Variants in GTF3C1 observed in about 807,000 individuals in gnomAD.
GTF3C1 encodes the protein general transcription factor 3C polypeptide 1.
GTF3C1 carries 57 observed loss-of-function variants against 226.7 expected under a neutral mutation model. That is an observed-to-expected ratio of 0.25 (90% CI 0.20 to 0.31). GTF3C1 has a LOEUF of 0.31. Ranked by LOEUF, GTF3C1 falls within the 10% of genes least tolerant of loss-of-function variation. The probability of loss-of-function intolerance (pLI) is 1.00; values close to 1 mark genes in which losing one functional copy is unlikely to be tolerated. For missense variants in GTF3C1, 2,217 were observed against 2,776.1 expected, an observed-to-expected ratio of 0.80 and a Z score of 4.53; for synonymous variants, 1,090 against 1,084.8, an observed-to-expected ratio of 1.00 and a Z score of -0.09.
chr16:27,528,099 C>T (rs747899157), intron 6 of GTF3C1, among the ~76,000 whole-genome samples: 2 of 152,030 alleles, frequency 1.3e-5, no homozygotes, highest in South Asian at 2.1e-4. Flanking sequence ...CATGGCGAAA[C>T]GCTGTCTCTA....
intron 32 of GTF3C1, among the ~76,000 whole-genome samples, chr16:27,467,524 T>C (rs776875370): frequency 6.6e-6 from 1 of 152,374 alleles, no homozygotes; most frequent in Non-Finnish European, 1.5e-5. Context: ...ACATCCATTC[T>C]GTACCCCATG....
intron 16 of GTF3C1, among the ~76,000 whole-genome samples, chr16:27,493,664 C>T (rs192390572): frequency 1.3e-5 from 2 of 152,176 alleles, no homozygotes; most frequent in African/African-American, 4.8e-5. Context: ...CTATCCTTAC[C>T]CAAAGGAAAA....
chr16:27,484,289 G>C lies in GTF3C1; in HGVS notation c.3923C>G (p.Ser1308Cys), dbSNP rs1468004237. 6.2e-7 allele frequency: 1 copy of C among 1,607,194 alleles called. No homozygotes were observed. The highest frequency in any genetic ancestry group is 8.5e-7 in the Non-Finnish European group (1 of 1,173,704). The change falls in exon 25 of 37, where the codon TCT becomes TGT. Residue 1308 changes from serine (S) to cysteine (C), a missense_variant. By Grantham distance (112) the Ser-to-Cys change is moderately radical. Around this residue, in one of 12 missense-constraint regions of GTF3C1, gnomAD observed 546 missense variants for 663.0 expected, o/e 0.82. Transcript: ENST00000356183. Reference sequence around the variant, plus strand: ...AACGGAATGAGATGTTTTATCCAAAGACTCTTCAAACGTGGCATGCAAAAT... The same window carrying C: ...AACGGAATGAGATGTTTTATCCAAACACTCTTCAAACGTGGCATGCAAAAT... The part of the protein sequence containing the change: ...RDILHATFEE[S>C]LDKTSHSVGR...
chr16:27,544,109 CA>C (rs1274567527), intron 2 of GTF3C1, among the ~76,000 whole-genome samples: 3 of 152,144 alleles, frequency 2.0e-5, no homozygotes, highest in Non-Finnish European at 4.4e-5. Context: ...CAAGGACAGA[CA>C]GGGGGCCGTT....
At chr16:27,502,676 T>A (rs2088424067) in intron 11 of GTF3C1, among the ~76,000 whole-genome samples, 183 bp downstream of exon 11, 1 of 151,924 alleles carries the variant, frequency 6.6e-6, no homozygotes, top group South Asian at 2.1e-4. Context: ...TACTCCTCCA[T>A]CCCTTTAGAT....
Position 27,549,902 on chromosome 16 carries a change from T to A in GTF3C1, c.-12A>T, listed in dbSNP as rs181685777. On this transcript the variant is annotated 5_prime_UTR_variant, in exon 1 of 37. Coordinates refer to ENST00000356183, the MANE Select transcript of GTF3C1 (RefSeq NM_001520.4). ...TCCAGCGCGTCCATTGCTACTTCAGTCGGCGGCGCCCGGGGCGCATGCGCA... is the reference window on the plus strand; with the variant it reads ...TCCAGCGCGTCCATTGCTACTTCAGACGGCGGCGCCCGGGGCGCATGCGCA... 3.3e-4 allele frequency: 537 copies of A among 1,604,692 alleles called. 4 individuals are homozygous for A. In the Middle Eastern group the frequency reaches 3.5e-3, roughly 10 times the overall value.
chr16:27,497,788 C>T lies in GTF3C1; in HGVS notation c.2199G>A (p.Gly733=). 1 of 1,613,804 alleles carries T rather than the reference C, an allele frequency of 6.2e-7. No homozygotes were observed. The highest frequency in any genetic ancestry group is 2.2e-5 in the East Asian group (1 of 44,882). ...VKTSQPPVPQ[G]EAEEDSQGKE... ...TTCCTTGACTGTCTTCTTCTGCCTCCCCTTGGGGCACTGGAGGCTGGGAAG... is the reference window on the plus strand; with the variant it reads ...TTCCTTGACTGTCTTCTTCTGCCTCTCCTTGGGGCACTGGAGGCTGGGAAG... The change falls in exon 14 of 37, where the codon GGG becomes GGA. Residue 733 remains glycine, a synonymous_variant. Transcript: ENST00000356183.
At position 27,481,012 on chromosome 16, in the gene GTF3C1, G is replaced by GAGAC. The variant is rs1471858304; in HGVS notation, c.4196+63_4196+66dup. 2.3e-6 allele frequency: 3 copies of GAGAC among 1,315,564 alleles called. No individual in the cohort carries two copies. In the African/African-American group the frequency reaches 4.4e-5, roughly 19 times the overall value. The allele number at this position is 1,315,564 out of a possible 1,614,324, so 81.5% of individuals were successfully genotyped here. A position where few individuals can be genotyped will look rare whatever the true frequency, so the allele number is the denominator to read the frequency against. On this transcript the variant is annotated intron_variant, in intron 27 of 36. Transcript: ENST00000356183. ...GCGCTTCCCGGACCTGCTGATAAGGGAGACAGGGCTGGCCTTTTCTTCTTG... is the reference window on the plus strand; with the variant it reads ...GCGCTTCCCGGACCTGCTGATAAGGGAGACAGACAGGGCTGGCCTTTTCTTCTTG...
rs998130047 is a variant in GTF3C1, at chr16:27,497,874, G to C, written c.2166-53C>G. 6 of 1,436,814 alleles carry C rather than the reference G, an allele frequency of 4.2e-6. No homozygotes were observed. The Admixed American group carries it at 1.1e-4, about 27-fold the overall frequency. 89.0% of individuals were successfully genotyped at this position (1,436,814 alleles called of 1,614,324 possible). On this transcript the variant is annotated intron_variant, in intron 13 of 36. Transcript: ENST00000356183. ...GTACTGAGAAAATCAAGGGCTAAGA[G>C]AAAGGACAGAGTCTGTCTGCATGAA... is the stretch of plus-strand genomic sequence containing the variant.
rs778961579 is a variant in GTF3C1 at position 27,511,894 on chromosome 16, G to A, written c.981C>T (p.Asp327=). 16 of 1,613,848 alleles carry A rather than the reference G, an allele frequency of 9.9e-6. No individual in the cohort carries two copies. The highest frequency in any genetic ancestry group is 2.2e-5 in the East Asian group (1 of 44,892). Residue 327 remains aspartate, a synonymous_variant, in exon 7 of 37, where the codon GAC becomes GAT. Coordinates refer to ENST00000356183, the MANE Select transcript of GTF3C1 (RefSeq NM_001520.4). ...GCAGCTTGAGGCACCGAACCATGAC[G>A]TCGGTCCCTGGCAACACAAGCACGG... ...CGPCKTKKGT[D]VMVRCLKLLK... is the part of the protein sequence containing the mutation.
At chr16:27,528,471 G>T in intron 6 of GTF3C1, 127 bp downstream of exon 6, 1 of 773,916 alleles carries the variant, frequency 1.3e-6, no homozygotes, top group Non-Finnish European at 2.2e-6. Flanking sequence ...GAGGCGCAGA[G>T]TTAAATAAAT....
At chr16:27,499,261 G>A (rs773808662) in intron 12 of GTF3C1, among the ~76,000 whole-genome samples, 2 of 152,224 alleles carry the variant, frequency 1.3e-5, no homozygotes, top group African/African-American at 2.4e-5. Context: ...TACCTTTTCC[G>A]AGCTACTGAA....
At position 27,463,544 on chromosome 16, in the gene GTF3C1, TC is replaced by T; in HGVS notation, c.5920del (p.Glu1974LysfsTer21). 6.3e-7 allele frequency: 1 copy of T among 1,588,628 alleles called. No homozygotes were observed. Among genetic ancestry groups the T allele is most frequent in the Non-Finnish European group, 8.6e-7 (1 of 1,156,818 alleles). On this transcript the variant is annotated frameshift_variant, in exon 35 of 37. Coordinates refer to ENST00000356183, the MANE Select transcript of GTF3C1 (RefSeq NM_001520.4). LOFTEE classifies it high-confidence loss of function. This position sits in a 1 kb window ranked among gnomAD's most constrained non-coding sequence, Gnocchi z 4.9. ...GAANISQAAR[E>X]RDCESVCFIG... ...GGAGCCAGAACCCCACACCCACCTT[TC>T]CCGTGCTGCCTGGGAGATGTTGGCA...
chr16:27,485,465 C>T (rs1184139760), intron 24 of GTF3C1, among the ~76,000 whole-genome samples: 15 of 152,186 alleles, frequency 9.9e-5, no homozygotes, highest in East Asian at 1.9e-4. Flanking sequence ...GGTAATTACG[C>T]CCAATTGGCA....
intron 20 of GTF3C1, among the ~76,000 whole-genome samples, 157 bp from the exon 21 acceptor site, chr16:27,489,335 G>A (rs1273021167): frequency 1.3e-5 from 2 of 152,226 alleles, no homozygotes; most frequent in Non-Finnish European, 1.5e-5. Flanking sequence ...GGCCCTAAGT[G>A]TTGACTGGTT....
In GTF3C1 at chr16:27,549,716, A is replaced by T. The variant is rs2228249; in HGVS notation, c.175T>A (p.Phe59Ile). The T allele has an allele frequency of 3.3e-4, 536 of 1,609,628 alleles. 2 individuals are homozygous for T. In the African/African-American group the frequency reaches 6.5e-3, roughly 20 times the overall value. Residue 59 changes from phenylalanine to isoleucine, a missense_variant, in exon 1 of 37, where the codon TTC (phenylalanine) becomes ATC (isoleucine). Physicochemically the swap from Phe to Ile is conservative, Grantham distance 21 (BLOSUM62 0). This residue lies in a region of GTF3C1 where 192 missense variants were observed against 251.8 expected (regional missense o/e 0.76). Transcript: ENST00000356183. The stretch of plus-strand genomic sequence containing the variant: ...GGTCGCTCCCGAGGCTCCTCATAGA[A>T]GCTGATGCCCGGGTGCGTGGCGAGG... ...RALATHPGIS[F>I]YEEPRERPDL... is the part of the protein sequence containing the mutation.
Position 27,488,864 on chromosome 16 carries a change from C to T in GTF3C1, c.3429+179G>A, listed in dbSNP as rs776862038. ...TTCTTTAAAAAGGAATACCTGTCCA[C>T]GTCACAGCGTAAGTTAGCATCCACT... On this transcript the variant is annotated intron_variant, in intron 21 of 36. Transcript: ENST00000356183. Among the ~76,000 whole-genome samples, 4 of 152,200 alleles carry T rather than the reference C, an allele frequency of 2.6e-5. No homozygotes were observed. In the South Asian group the frequency reaches 6.2e-4, roughly 24 times the overall value.
At chr16:27,538,064 C>T (rs1309336405) in intron 3 of GTF3C1, 116 bp downstream of exon 3, 18 of 1,270,636 alleles carry the variant, frequency 1.4e-5, no homozygotes, top group Middle Eastern at 2.8e-4. Context: ...TGTGAGACCA[C>T]GGCCTTGAAA....
intron 6 of GTF3C1, among the ~76,000 whole-genome samples, chr16:27,528,053 C>T (rs1299144737): frequency 6.6e-6 from 1 of 151,844 alleles, no homozygotes; most frequent in African/African-American, 2.4e-5. Context: ...GTGAGTGGAT[C>T]ACCTGAGGTC....
Sources: gnomAD v4.1 joint callset for allele counts (sites outside exome capture counted in the v4.1 genomes callset) on GRCh38, gnomAD v4.1.1 for gene constraint, gnomAD v4.1.1 regional missense constraint, Gnocchi (gnomAD v3.1) non-coding constraint, MANE v1.5 for transcripts, NCBI Gene and HGNC (gene_info 2026-07-23, HGNC 2026-07-21) for gene names.